The following KIAA1614 variants were observed in gnomAD, a reference collection of about 807,000 sequenced individuals.
KIAA1614 encodes the protein KIAA1614.
In KIAA1614, 76 loss-of-function variants were observed where a neutral mutation model predicts 88.7. The ratio of observed to expected loss-of-function variants is 0.86; its 90% confidence interval spans 0.71 to 1.04. KIAA1614 has a LOEUF of 1.04. KIAA1614 is among the 50% of genes least tolerant of loss of function. KIAA1614 has a pLI of 0.00. For synonymous variants in KIAA1614, 714 were observed against 675.5 expected, an observed-to-expected ratio of 1.06 and a Z score of -0.88; for missense variants, 1,553 against 1,582.5, an observed-to-expected ratio of 0.98 and a Z score of 0.32.
chr1:180,947,791 T>C lies in KIAA1614; in HGVS notation c.*2203T>C, dbSNP rs1337621473. ...TGAAATGAGGATGACAAAACCTACC[T>C]AGAAGAGTCATAAGGAGCATTTGGT... On this transcript the variant is annotated 3_prime_UTR_variant, in exon 9 of 9. Coordinates refer to ENST00000367588, the MANE Select transcript of KIAA1614 (RefSeq NM_020950.2). 6.6e-6 allele frequency: 1 copy of C among 152,090 alleles called. No individual in the cohort carries two copies. The highest frequency in any genetic ancestry group is 2.4e-5 in the African/African-American group (1 of 41,402). The allele number at this position is 152,090 out of a possible 1,614,324, so 9.4% of individuals were successfully genotyped here.
intron 1 of KIAA1614, 45 bp from the exon 2 acceptor site, chr1:180,916,109 A>G: frequency 6.9e-7 from 1 of 1,454,052 alleles, no homozygotes. Context: ...TGTGGGGGTT[A>G]GTCCTGTGCT....
Position 180,951,101 on chromosome 1 carries a change from CAGG to C in KIAA1614, c.*5516_*5518del, listed in dbSNP as rs1445934019. 10 of 152,238 alleles carry C rather than the reference CAGG, an allele frequency of 6.6e-5. No individual in the cohort carries two copies. Among genetic ancestry groups the C allele is most frequent in the African/African-American group, 2.4e-4 (10 of 41,462 alleles). 9.4% of individuals were successfully genotyped at this position (152,238 alleles called of 1,614,324 possible). On this transcript the variant is annotated 3_prime_UTR_variant, in exon 9 of 9. Transcript: ENST00000367588. ...ACCAAAATCAGAACGTGTGGTCTGG[CAGG>C]AGTTTTATGCCCCTTCGGGGTGTGG...
rs765091621 is a variant in KIAA1614, at chr1:180,917,943, C to T, written c.1061+29C>T. 6 of 1,587,642 alleles carry T rather than the reference C, an allele frequency of 3.8e-6. No homozygotes were observed. In the Admixed American group the frequency reaches 6.7e-5, roughly 18 times the overall value. ...AGAGCTCAGAGCCCACATTTTCTCT[C>T]CCTCCCTCCTCACCATGGTCCCTCT... On this transcript the variant is annotated intron_variant, in intron 3 of 8. Coordinates refer to ENST00000367588, the MANE Select transcript of KIAA1614 (RefSeq NM_020950.2).
In KIAA1614 at chr1:180,947,835, C is replaced by T. The variant is rs1212272606; in HGVS notation, c.*2247C>T. 1 of 152,232 alleles carries T rather than the reference C, an allele frequency of 6.6e-6. No individual in the cohort carries two copies. Among genetic ancestry groups the T allele is most frequent in the East Asian group, 1.9e-4 (1 of 5,200 alleles). The allele number at this position is 152,232 out of a possible 1,614,324, so 9.4% of individuals were successfully genotyped here. A position where few individuals can be genotyped will look rare whatever the true frequency, so the allele number is the denominator to read the frequency against. On this transcript the variant is annotated 3_prime_UTR_variant, in exon 9 of 9. Coordinates refer to ENST00000367588, the MANE Select transcript of KIAA1614 (RefSeq NM_020950.2). ...ATTTGGTAAGGCACACAGGAAAGGG[C>T]CTAGCATTTTTCTTCCCTCCCCTTC...
intron 3 of KIAA1614, among the ~76,000 whole-genome samples, chr1:180,922,269 A>G (rs1042221198): frequency 6.6e-6 from 1 of 152,182 alleles, no homozygotes. Context: ...TGTGTGCTGT[A>G]GTGATGAGGG....
chr1:180,946,151 C>T lies in KIAA1614; in HGVS notation c.*563C>T, dbSNP rs944921105. 6.6e-6 allele frequency: 1 copy of T among 152,216 alleles called. No homozygotes were observed. Among genetic ancestry groups the T allele is most frequent in the African/African-American group, 2.4e-5 (1 of 41,424 alleles). The allele number at this position is 152,216 out of a possible 1,614,324, so 9.4% of individuals were successfully genotyped here. A position where few individuals can be genotyped will look rare whatever the true frequency, so the allele number is the denominator to read the frequency against. Reference sequence around the variant, plus strand: ...AATAAATTAGAATTTTGAAGGCCATCTTTGCAGAGGAGAGCCAGAGGGAAA... The same window carrying T: ...AATAAATTAGAATTTTGAAGGCCATTTTTGCAGAGGAGAGCCAGAGGGAAA... On this transcript the variant is annotated 3_prime_UTR_variant, in exon 9 of 9. Coordinates refer to ENST00000367588, the MANE Select transcript of KIAA1614 (RefSeq NM_020950.2).
chr1:180,914,281 T>C (rs1490816339), intron 1 of KIAA1614, among the ~76,000 whole-genome samples: 1 of 152,236 alleles, frequency 6.6e-6, no homozygotes, highest in Non-Finnish European at 1.5e-5. Flanking sequence ...CTGCTCACCT[T>C]CATTCCTTGT....
intron 5 of KIAA1614, among the ~76,000 whole-genome samples, chr1:180,937,251 T>C (rs1377866103): frequency 6.6e-6 from 1 of 152,130 alleles, no homozygotes; most frequent in African/African-American, 2.4e-5. Context: ...TGAGCAGGAG[T>C]CCTGCCCTTG....
chr1:180,930,094 C>T (rs889852761), intron 4 of KIAA1614, among the ~76,000 whole-genome samples: 2 of 152,114 alleles, frequency 1.3e-5, no homozygotes, highest in East Asian at 3.9e-4. Context: ...TGGGCCTTGC[C>T]TCTCTCTCTA....
chr1:180,935,967 A>C lies in KIAA1614; in HGVS notation c.2058A>C (p.Glu686Asp). 6.2e-7 allele frequency: 1 copy of C among 1,614,068 alleles called. No individual in the cohort carries two copies. Among genetic ancestry groups the C allele is most frequent in the South Asian group, 1.1e-5 (1 of 91,086 alleles). Residue 686 changes from glutamate to aspartate, a missense_variant, in exon 5 of 9, where the codon GAA becomes GAC. Glu to Asp is a conservative substitution (Grantham distance 45). Transcript: ENST00000367588. This position sits in a 1 kb window ranked among gnomAD's most constrained non-coding sequence, Gnocchi z 6.1. The stretch of plus-strand genomic sequence containing the variant: ...CTAGGGCTGATGATGTGGAGGTGGA[A>C]AATGAGGTGAAAGAGGGCAGAGGAC... ...HLPRADDVEV[E>D]NEVKEGRGHT...
In KIAA1614 at chr1:180,928,531, G is replaced by T. The variant is rs375855256; in HGVS notation, c.1163G>T (p.Arg388Leu). ...ARMKARTRPL[R>L]ASHDIVPTIT... Reference sequence around the variant, plus strand: ...ATGAAGGCCAGGACCCGGCCCCTCCGTGCCAGCCATGACATCGTGCCCACC... The same window carrying T: ...ATGAAGGCCAGGACCCGGCCCCTCCTTGCCAGCCATGACATCGTGCCCACC... Residue 388 changes from arginine (R) to leucine (L), a missense_variant, in exon 4 of 9, where the codon CGT becomes CTT. Physicochemically the swap from Arg to Leu is moderately radical, Grantham distance 102 (BLOSUM62 -2). Transcript: ENST00000367588. The T allele has an allele frequency of 6.2e-7, 1 of 1,612,774 alleles. No homozygotes were observed. Among genetic ancestry groups the T allele is most frequent in the South Asian group, 1.1e-5 (1 of 91,076 alleles).
At chr1:180,919,983 A>G (rs371173793) in intron 3 of KIAA1614, among the ~76,000 whole-genome samples, 84 of 152,266 alleles carry the variant, frequency 5.5e-4, no homozygotes, top group African/African-American at 2.0e-3. Flanking sequence ...CTGTTAACAA[A>G]ATGTCCCCTT....
At chr1:180,938,442 C>T in intron 5 of KIAA1614, 113 bp from the exon 6 acceptor site, 1 of 1,214,824 alleles carries the variant, frequency 8.2e-7, no homozygotes, top group Non-Finnish European at 1.2e-6. Context: ...TCCTTGAGCT[C>T]CACCTCTCCA....
At chr1:180,913,330 G>A (rs370532198) in intron 1 of KIAA1614, 37 bp downstream of exon 1, 3 of 1,225,824 alleles carry the variant, frequency 2.4e-6, no homozygotes, top group Admixed American at 4.3e-5. Context: ...CCGGCCGGGC[G>A]GGGGTGGCGG....
intron 3 of KIAA1614, among the ~76,000 whole-genome samples, chr1:180,925,138 G>A (rs932422067): frequency 7.2e-5 from 11 of 152,184 alleles, no homozygotes; most frequent in Non-Finnish European, 1.3e-4. Context: ...ACTCTAGGCT[G>A]TGTCCTGTCC....
Position 180,934,882 on chromosome 1 carries a change from C to T in KIAA1614, c.1206-233C>T, listed in dbSNP as rs183496187. 2.4e-3 allele frequency among the ~76,000 whole-genome samples: 370 copies of T among 152,324 alleles called. 1 individual carries two copies. The highest frequency in any genetic ancestry group is 8.2e-3 in the African/African-American group (341 of 41,568). ...TGCAAGAGAGGGAAAGCCAAAAGCACGGAAGGTGGCCTTGGTTTTGTTTAG... is the reference window on the plus strand; with the variant it reads ...TGCAAGAGAGGGAAAGCCAAAAGCATGGAAGGTGGCCTTGGTTTTGTTTAG... On this transcript the variant is annotated intron_variant, in intron 4 of 8. Transcript: ENST00000367588.
At chr1:180,916,006 AC>A (rs1653785493) in intron 1 of KIAA1614, 147 bp from the exon 2 acceptor site, 1 of 483,492 alleles carries the variant, frequency 2.1e-6, no homozygotes, top group Non-Finnish European at 3.5e-6. Flanking sequence ...AAGGTTGGAG[AC>A]CACTGATCAA....
At chr1:180,924,760 C>T (rs941078197) in intron 3 of KIAA1614, among the ~76,000 whole-genome samples, 1 of 152,158 alleles carries the variant, frequency 6.6e-6, no homozygotes, top group African/African-American at 2.4e-5. Context: ...TCATTTCAAA[C>T]ATGCCTTCCC....
At chr1:180,941,006 G>GGCCCC in intron 6 of KIAA1614, 39 bp from the exon 7 acceptor site, 6 of 908,442 alleles carry the variant, frequency 6.6e-6, no homozygotes, top group African/African-American at 1.8e-5. Context: ...CACCCTCCCG[G>GGCCCC]CCCTCCCCCG....
Sources: gnomAD v4.1 joint callset for allele counts (sites outside exome capture counted in the v4.1 genomes callset) on GRCh38, gnomAD v4.1.1 for gene constraint, Gnocchi (gnomAD v3.1) non-coding constraint, MANE v1.5 for transcripts, NCBI Gene and HGNC (gene_info 2026-07-23, HGNC 2026-07-21) for gene names.